The following SPRR2F variants were observed in gnomAD, a reference collection of about 807,000 sequenced individuals.
SPRR2F encodes the protein small proline-rich protein 2F.
Under a neutral mutation model 0.8 loss-of-function variants are expected in SPRR2F, and 2 were observed. The observed-to-expected ratio is 2.52, with a 90% CI of 1.03 to 7.95. SPRR2F has a LOEUF of 7.95. SPRR2F is among the 30% of genes most tolerant of loss of function. The pLI, the probability that SPRR2F is intolerant of heterozygous loss-of-function variation, is 0.04. For missense variants in SPRR2F, 80 were observed against 85.8 expected (o/e 0.93, Z 0.27); for synonymous variants, 39 against 33.4 (o/e 1.17, Z -0.58).
At chr1:153,118,567 G>A in the SPRR2F span, among the ~76,000 whole-genome samples, 3 of 152,240 alleles carry the variant, frequency 2.0e-5, no homozygotes, top group Middle Eastern at 3.4e-3. Flanking sequence ...ATGATATAAT[G>A]AGAGTGCTGA....
chr1:153,114,653 T>C (rs921443181), upstream of SPRR2F, among the ~76,000 whole-genome samples: 14 of 152,228 alleles, frequency 9.2e-5, no homozygotes, highest in Non-Finnish European at 1.8e-4. Context: ...CAGTGTTTTT[T>C]AATTTGTTTG....
chr1:153,118,985 G>A, the SPRR2F span, among the ~76,000 whole-genome samples: 1 of 152,106 alleles, frequency 6.6e-6, no homozygotes, highest in Non-Finnish European at 1.5e-5. Context: ...TGTCAGAGTT[G>A]AATTTTTTAT....
chr1:153,118,230 A>G (rs1172697106), upstream of SPRR2F, among the ~76,000 whole-genome samples: 4 of 152,168 alleles, frequency 2.6e-5, no homozygotes, highest in Admixed American at 2.0e-4. Flanking sequence ...CAGTGACAAA[A>G]TGGAATGACC....
rs1655627547 is a variant in SPRR2F at position 153,112,720 on chromosome 1, T to C, written c.14A>G (p.Gln5Arg). Reference sequence around the variant, plus strand: ...CTGGCAGGGCTGCTTGCACTGCTGCTGTTGATAAGACATCCTGCTGGAGTC... The same window carrying C: ...CTGGCAGGGCTGCTTGCACTGCTGCCGTTGATAAGACATCCTGCTGGAGTC... MSYQQQQCKQPCQPP... is the reference protein window; with the variant it reads MSYQRQQCKQPCQPP... The change falls in exon 2 of 2, where the codon CAG becomes CGG. Residue 5 changes from glutamine to arginine, a missense_variant. By Grantham distance (43) the Gln-to-Arg change is conservative. Coordinates refer to ENST00000468739, the MANE Select transcript of SPRR2F (RefSeq NM_001014450.3). 1 of 1,611,852 alleles carries C rather than the reference T, an allele frequency of 6.2e-7. No homozygotes were observed. Among genetic ancestry groups the C allele is most frequent in the South Asian group, 1.1e-5 (1 of 91,002 alleles).
upstream of SPRR2F, among the ~76,000 whole-genome samples, chr1:153,115,443 C>T (rs971628171): frequency 4.6e-5 from 7 of 152,178 alleles, no homozygotes; most frequent in Admixed American, 4.6e-4. Context: ...GACTCCCCTT[C>T]TGAGAACACC....
rs1655621274 is a variant in SPRR2F, at chr1:153,112,640, A to T, written c.94T>A (p.Cys32Ser). 9 of 1,612,446 alleles carry T rather than the reference A, an allele frequency of 5.6e-6. No individual in the cohort carries two copies. The highest frequency in any genetic ancestry group is 1.3e-5 in the African/African-American group (1 of 74,848). Reference protein sequence around the residue: ...KCPEPCPPPKCPEPCPPSKCP... With the variant: ...KCPEPCPPPKSPEPCPPSKCP... Reference sequence around the variant, plus strand: ...TTTGATGGTGGGCAGGGCTCAGGGCACTTCGGGGGTGGACATGGCTCTGGG... The same window carrying T: ...TTTGATGGTGGGCAGGGCTCAGGGCTCTTCGGGGGTGGACATGGCTCTGGG... The change falls in exon 2 of 2, where the codon TGC becomes AGC. Residue 32 changes from cysteine to serine, a missense_variant. Coordinates refer to ENST00000468739, the MANE Select transcript of SPRR2F (RefSeq NM_001014450.3).
At chr1:153,115,240 G>T (rs140431075), upstream of SPRR2F, among the ~76,000 whole-genome samples, 4 of 152,098 alleles carry the variant, frequency 2.6e-5, no homozygotes, top group Non-Finnish European at 4.4e-5. Context: ...AGACTATTAC[G>T]CATGCTAAGC....
upstream of SPRR2F, among the ~76,000 whole-genome samples, chr1:153,116,524 T>C (rs1655724537): frequency 6.6e-6 from 1 of 152,186 alleles, no homozygotes; most frequent in Non-Finnish European, 1.5e-5. Flanking sequence ...GAGATAATGA[T>C]CTTTTTCCTT....
At chr1:153,112,790 A>G in intron 1 of SPRR2F, 38 bp from the exon 2 acceptor site, 1 of 1,607,632 alleles carries the variant, frequency 6.2e-7, no homozygotes, top group South Asian at 1.1e-5. Flanking sequence ...CGGGAAGGGA[A>G]TCCTCCAGAG....
At chr1:153,115,380 G>A (rs1040852190), upstream of SPRR2F, among the ~76,000 whole-genome samples, 1 of 152,104 alleles carries the variant, frequency 6.6e-6, no homozygotes, top group African/African-American at 2.4e-5. Flanking sequence ...TTGGAGAATT[G>A]GCTGCCAAAT....
chr1:153,114,436 G>A (rs1009408264), upstream of SPRR2F, among the ~76,000 whole-genome samples: 4 of 152,114 alleles, frequency 2.6e-5, no homozygotes, highest in Non-Finnish European at 5.9e-5. Flanking sequence ...TCTATGTATT[G>A]AACCATGCCT....
At position 153,112,620 on chromosome 1, in the gene SPRR2F, T is replaced by A. The variant is rs147828936; in HGVS notation, c.114A>T (p.Pro38=). The A allele has an allele frequency of 9.4e-5, 152 of 1,612,716 alleles. No homozygotes were observed. In the African/African-American group the frequency reaches 1.7e-3, roughly 18 times the overall value. Reference sequence around the variant, plus strand: ...GTGGGCAGGACTGTGGACACTTTGATGGTGGGCAGGGCTCAGGGCACTTCG... The same window carrying A: ...GTGGGCAGGACTGTGGACACTTTGAAGGTGGGCAGGGCTCAGGGCACTTCG... ...PPPKCPEPCP[P]SKCPQSCPPQ... The change falls in exon 2 of 2, where the codon CCA becomes CCT. Residue 38 remains proline (P), a synonymous_variant. Coordinates refer to ENST00000468739, the MANE Select transcript of SPRR2F (RefSeq NM_001014450.3).
At position 153,112,530 on chromosome 1, in the gene SPRR2F, T is replaced by G. The variant is rs1655614732; in HGVS notation, c.204A>C (p.Pro68=). The change falls in exon 2 of 2, where the codon CCA becomes CCC. Residue 68 remains proline (P), a synonymous_variant. Transcript: ENST00000468739. ...TPSPPCQPKC[P]PKSK ...CCTGAAGCTGTTACTTGCTCTTGGG[T>G]GGACACTTTGGCTGGCAGGGTGGGG... is the stretch of plus-strand genomic sequence containing the variant. 7 of 1,612,388 alleles carry G rather than the reference T, an allele frequency of 4.3e-6. No individual in the cohort carries two copies. Among genetic ancestry groups the G allele is most frequent in the Non-Finnish European group, 5.9e-6 (7 of 1,179,670 alleles).
At chr1:153,118,484 A>G (rs1655762084), upstream of SPRR2F, among the ~76,000 whole-genome samples, 1 of 152,146 alleles carries the variant, frequency 6.6e-6, no homozygotes, top group African/African-American at 2.4e-5. Context: ...GTGAATCTTC[A>G]TATATAAGTG....
At chr1:153,115,486 A>G (rs1655706400), upstream of SPRR2F, among the ~76,000 whole-genome samples, 1 of 152,200 alleles carries the variant, frequency 6.6e-6, no homozygotes, top group South Asian at 2.1e-4. Context: ...ACAGCAGTGC[A>G]GGCACCAGAG....
Position 153,112,664 on chromosome 1 carries a change from G to A in SPRR2F, c.70C>T (p.Pro24Ser). 6.2e-7 allele frequency: 1 copy of A among 1,612,446 alleles called. No homozygotes were observed. The highest frequency in any genetic ancestry group is 8.5e-7 in the Non-Finnish European group (1 of 1,179,848). The change falls in exon 2 of 2, where the codon CCA becomes TCA. Residue 24 changes from proline (P) to serine (S), a missense_variant. Transcript: ENST00000468739. ...PPPVCPAPKCPEPCPPPKCPE... is the reference protein window; with the variant it reads ...PPPVCPAPKCSEPCPPPKCPE... ...CACTTCGGGGGTGGACATGGCTCTG[G>A]GCACTTTGGCGCGGGGCACACAGGA...
chr1:153,118,319 C>T (rs577385387), upstream of SPRR2F, among the ~76,000 whole-genome samples: 27 of 152,152 alleles, frequency 1.8e-4, no homozygotes, highest in Admixed American at 1.7e-3. Context: ...AGACTACATA[C>T]TTTAAGGTTC....
chr1:153,114,470 A>G (rs1046319603), upstream of SPRR2F, among the ~76,000 whole-genome samples: 7 of 152,164 alleles, frequency 4.6e-5, no homozygotes, highest in African/African-American at 1.7e-4. Context: ...AAACCACCCT[A>G]TAGAGCACAA....
upstream of SPRR2F, among the ~76,000 whole-genome samples, chr1:153,116,922 A>C (rs1655731490): frequency 6.6e-6 from 1 of 152,112 alleles, no homozygotes; most frequent in Non-Finnish European, 1.5e-5. Flanking sequence ...CTACCATTAA[A>C]TTGTCAAAAG....
Sources: gnomAD v4.1 joint callset for allele counts (sites outside exome capture counted in the v4.1 genomes callset) on GRCh38, gnomAD v4.1.1 for gene constraint, MANE v1.5 for transcripts, NCBI Gene and HGNC (gene_info 2026-07-23, HGNC 2026-07-21) for gene names.